The following SEM1 variants were observed in gnomAD, a reference collection of about 807,000 sequenced individuals.
SEM1 encodes 26S proteasome complex subunit SEM1.
A neutral mutation model predicts 12.7 loss-of-function variants in SEM1; 3 were observed. The ratio of observed to expected loss-of-function variants is 0.24; its 90% CI spans 0.11 to 0.61. SEM1 has a LOEUF of 0.61. Among genes scored for constraint, SEM1 ranks in the 20% least tolerant of loss-of-function variants. SEM1 has a pLI of 0.88. For missense variants in SEM1, 59 were observed against 81.3 expected, an observed-to-expected ratio of 0.73 and a Z score of 1.06; for synonymous variants, 30 against 27.8, an observed-to-expected ratio of 1.08 and a Z score of -0.25.
In SEM1 at chr7:96,492,792, T is replaced by A. The variant is rs1200432346; in HGVS notation, c.12+3492A>T. Among the ~76,000 whole-genome samples the A allele has an allele frequency of 2.0e-5, 3 of 149,144 alleles. No individual in the cohort carries two copies. In the Admixed American group the frequency reaches 2.0e-4, roughly 10 times the overall value. On this transcript the variant is annotated intron_variant, in intron 1 of 3. Coordinates refer to the SEM1 transcript ENST00000356686. ...GTGTGTGTGTGTGTGTGTGTGTGTT[T>A]GTGTACACCCCATTTTGTTCATTCC...
chr7:96,703,972 AACAC>A (rs67174798), intron 1 of SEM1, among the ~76,000 whole-genome samples: 3,482 of 142,134 alleles, frequency 0.024, 61 homozygotes, highest in South Asian at 0.036. Context: ...GTCTCTTAAA[AACAC>A]ACACACACAC....
chr7:96,599,192 C>G (rs980003588), intron 2 of SEM1, among the ~76,000 whole-genome samples: 6 of 152,100 alleles, frequency 3.9e-5, no homozygotes, highest in African/African-American at 1.2e-4. Flanking sequence ...AGTGCTAAAG[C>G]ATAGCACTTG....
intron 2 of SEM1, chr7:96,650,498 A>G (rs1315227347): frequency 2.6e-6 from 2 of 756,536 alleles, no homozygotes; most frequent in Non-Finnish European, 4.8e-6. Flanking sequence ...TTAGGGAGAC[A>G]GCTCAGGGCT....
exon 4 of SEM1, chr7:96,483,636 G>A: frequency 1.9e-6 from 1 of 538,860 alleles, no homozygotes; most frequent in South Asian, 2.0e-5. Context: ...TGATGACAGA[G>A]GGAAAGAGCA....
At chr7:96,686,598 T>C (rs1206636363), downstream of SEM1, among the ~76,000 whole-genome samples, 1 of 152,178 alleles carries the variant, frequency 6.6e-6, no homozygotes, top group African/African-American at 2.4e-5. Context: ...TGCTTCATTA[T>C]ATTTATAAAA....
At chr7:96,618,551 G>A (rs965331925), downstream of SEM1, among the ~76,000 whole-genome samples, 4 of 152,076 alleles carry the variant, frequency 2.6e-5, no homozygotes, top group African/African-American at 9.7e-5. Context: ...TGTAGTCCCA[G>A]TGTCTCAAAG....
chr7:96,695,172 C>A, intron 1 of SEM1: 1 of 239,144 alleles, frequency 4.2e-6, no homozygotes, highest in Non-Finnish European at 8.0e-6. Context: ...TCTTTGAACT[C>A]ATTTTTAGAA....
At chr7:96,625,796 G>T (rs901150269) in intron 2 of SEM1, among the ~76,000 whole-genome samples, 1 of 152,198 alleles carries the variant, frequency 6.6e-6, no homozygotes, top group Non-Finnish European at 1.5e-5. Flanking sequence ...CACGTGGTGT[G>T]TAAAATAAAA....
At chr7:96,587,066 A>G (rs1460974113) in intron 2 of SEM1, among the ~76,000 whole-genome samples, 2 of 143,942 alleles carry the variant, frequency 1.4e-5, no homozygotes, top group African/African-American at 2.4e-5. Flanking sequence ...ACAATTGGGA[A>G]TGTTACCAGG....
chr7:96,538,381 C>G (rs913808303), intron 2 of SEM1, among the ~76,000 whole-genome samples: 1 of 151,774 alleles, frequency 6.6e-6, no homozygotes, highest in Non-Finnish European at 1.5e-5. Context: ...TTGCTGAAAA[C>G]TAGACATATT....
chr7:96,652,298 C>T (rs1425511306), intron 2 of SEM1, among the ~76,000 whole-genome samples: 2 of 151,750 alleles, frequency 1.3e-5, no homozygotes, highest in African/African-American at 4.8e-5. Context: ...TGTCTGTTGC[C>T]CATTTGTTAA....
At chr7:96,567,622 T>C (rs1239938634) in intron 2 of SEM1, among the ~76,000 whole-genome samples, 3 of 151,588 alleles carry the variant, frequency 2.0e-5, no homozygotes, top group African/African-American at 7.3e-5. Flanking sequence ...CTCAGCACAA[T>C]GCAGGTTTTG....
chr7:96,588,072 A>T (rs921439004), intron 2 of SEM1, among the ~76,000 whole-genome samples: 1 of 152,176 alleles, frequency 6.6e-6, no homozygotes, highest in African/African-American at 2.4e-5. Flanking sequence ...CATCAAGCCA[A>T]CTAAGAAGAA....
intron 2 of SEM1, among the ~76,000 whole-genome samples, chr7:96,612,469 T>C (rs1807568908): frequency 6.6e-6 from 1 of 152,164 alleles, no homozygotes; most frequent in Admixed American, 6.5e-5. Context: ...TTGGGAGGAA[T>C]GTTAGTTACC....
chr7:96,553,704 T>C (rs1352077438), intron 2 of SEM1, among the ~76,000 whole-genome samples: 2 of 152,022 alleles, frequency 1.3e-5, no homozygotes, highest in Non-Finnish European at 2.9e-5. Context: ...ATATGAACTT[T>C]AAAGTAGTTT....
chr7:96,564,089 A>C (rs943634801), intron 2 of SEM1, among the ~76,000 whole-genome samples: 2 of 152,104 alleles, frequency 1.3e-5, no homozygotes, highest in Non-Finnish European at 2.9e-5. Flanking sequence ...GTTTGGGCTG[A>C]ATGTCTTTTC....
rs191799110 is a variant in SEM1 at position 96,692,971 on chromosome 7, A to G, written c.170+1827T>C. ...AGCAATATTTGAGACACGGAAATGAAAAACTGTAGAAGTATCAGTATAACA... is the reference window on the plus strand; with the variant it reads ...AGCAATATTTGAGACACGGAAATGAGAAACTGTAGAAGTATCAGTATAACA... On this transcript the variant is annotated intron_variant, in intron 2 of 2. Transcript: ENST00000248566. Among the ~76,000 whole-genome samples, 87 of 152,158 alleles carry G rather than the reference A, an allele frequency of 5.7e-4. No homozygotes were observed. The East Asian group carries it at 0.012, about 22-fold the overall frequency.
chr7:96,652,575 C>T (rs1809034991), intron 2 of SEM1, among the ~76,000 whole-genome samples: 12 of 151,494 alleles, frequency 7.9e-5, no homozygotes, highest in Admixed American at 7.9e-4. Flanking sequence ...TTTATGGTCA[C>T]CAAATATTAA....
chr7:96,581,173 T>G (rs1335998790), intron 2 of SEM1, among the ~76,000 whole-genome samples: 2 of 152,210 alleles, frequency 1.3e-5, no homozygotes, highest in Non-Finnish European at 2.9e-5. Context: ...GGATCCAGTT[T>G]CAGCTTTCTA....
Sources: allele counts gnomAD v4.1 joint callset (sites outside exome capture counted in the v4.1 genomes callset), GRCh38; gene constraint gnomAD v4.1.1; transcripts MANE v1.5; gene names NCBI Gene and HGNC (gene_info 2026-07-23, HGNC 2026-07-21).